The following HAO1 variants were observed in gnomAD, a reference collection of about 807,000 sequenced individuals.
The protein encoded by HAO1 is hydroxyacid oxidase 1.
HAO1 carries 34 observed loss-of-function variants against 39.7 expected under a neutral mutation model. The ratio of observed to expected loss-of-function variants is 0.86; its 90% CI spans 0.65 to 1.14. The LOEUF is 1.14. Ranked by LOEUF, HAO1 falls within the 50% of genes most tolerant of loss-of-function variation. HAO1 has a pLI of 0.00. For missense variants in HAO1, 479 were observed against 464.5 expected (o/e 1.03, Z -0.29); for synonymous variants, 172 against 173.2 (o/e 0.99, Z 0.05).
At chr20:7,893,853 C>T (rs1208994283) in intron 5 of HAO1, among the ~76,000 whole-genome samples, 2 of 152,108 alleles carry the variant, frequency 1.3e-5, no homozygotes, top group Non-Finnish European at 2.9e-5. Flanking sequence ...TGCAATTCCC[C>T]GTCTTGATAA....
At chr20:7,886,805 G>A (rs2122747096) in intron 5 of HAO1, among the ~76,000 whole-genome samples, 1 of 152,310 alleles carries the variant, frequency 6.6e-6, no homozygotes, top group African/African-American at 2.4e-5. Context: ...TAACATGTGA[G>A]CAGAGCTGGT....
At chr20:7,892,052 A>C (rs771323871) in intron 5 of HAO1, among the ~76,000 whole-genome samples, 8 of 152,100 alleles carry the variant, frequency 5.3e-5, no homozygotes, top group Non-Finnish European at 8.8e-5. Context: ...AAGAGCTGAC[A>C]ACTTCCAGTT....
intron 2 of HAO1, among the ~76,000 whole-genome samples, chr20:7,924,660 A>C (rs1434975484): frequency 1.3e-5 from 2 of 152,160 alleles, no homozygotes; most frequent in Non-Finnish European, 2.9e-5. Context: ...TAACATGTTA[A>C]TTTAGACCCA....
intron 2 of HAO1, among the ~76,000 whole-genome samples, chr20:7,918,704 AT>A (rs1409372709): frequency 1.3e-5 from 2 of 152,150 alleles, no homozygotes; most frequent in African/African-American, 4.8e-5. Context: ...AATAATTCAA[AT>A]ATTACCTTTG....
At chr20:7,934,207 A>T (rs867459996) in intron 2 of HAO1, among the ~76,000 whole-genome samples, 6 of 152,174 alleles carry the variant, frequency 3.9e-5, no homozygotes, top group South Asian at 2.1e-4. Context: ...ACCTGAACTC[A>T]TTCAATTCTC....
chr20:7,883,678 C>T lies in HAO1; in HGVS notation c.1043-15G>A, dbSNP rs1336051392. 1 of 1,560,002 alleles carries T rather than the reference C, an allele frequency of 6.4e-7. No individual in the cohort carries two copies. Among genetic ancestry groups the T allele is most frequent in the Admixed American group, 1.7e-5 (1 of 59,910 alleles). On this transcript the variant is annotated splice_polypyrimidine_tract_variant and intron_variant, in intron 7 of 7. Transcript: ENST00000378789. ...ATTCTGGCACCCTGAAAAAATAATG[C>T]ATACATTTAATATGAACTGAATGCA...
At position 7,887,156 on chromosome 20, in the gene HAO1, C is replaced by T. The variant is rs1229504452; in HGVS notation, c.814-1292G>A. Among the ~76,000 whole-genome samples, 3 of 152,176 alleles carry T rather than the reference C, an allele frequency of 2.0e-5. No individual in the cohort carries two copies. The East Asian group carries it at 5.8e-4, about 29-fold the overall frequency. On this transcript the variant is annotated intron_variant, in intron 5 of 7. Transcript: ENST00000378789. ...AGTAGCTAACTAATACAATTGGCTA[C>T]TTTGATGTGAATCTGCATTTGAGAA...
chr20:7,883,676 T>C lies in HAO1; in HGVS notation c.1043-13A>G, dbSNP rs1056827989. 6.4e-7 allele frequency: 1 copy of C among 1,567,024 alleles called. No individual in the cohort carries two copies. On this transcript the variant is annotated splice_polypyrimidine_tract_variant and intron_variant, in intron 7 of 7. Transcript: ENST00000378789. ...ACATTCTGGCACCCTGAAAAAATAA[T>C]GCATACATTTAATATGAACTGAATG...
At chr20:7,914,710 A>G (rs2050298299) in intron 2 of HAO1, among the ~76,000 whole-genome samples, 2 of 152,214 alleles carry the variant, frequency 1.3e-5, no homozygotes, top group South Asian at 2.1e-4. Flanking sequence ...AATAAATCCA[A>G]TAGTCAAAGG....
intron 2 of HAO1, among the ~76,000 whole-genome samples, chr20:7,919,021 G>A (rs889784149): frequency 6.6e-6 from 1 of 152,152 alleles, no homozygotes; most frequent in Non-Finnish European, 1.5e-5. Context: ...AGACTGTAAC[G>A]GAAGATTCCA....
chr20:7,930,448 C>T (rs1337265466), intron 2 of HAO1, among the ~76,000 whole-genome samples: 1 of 152,124 alleles, frequency 6.6e-6, no homozygotes, highest in Non-Finnish European at 1.5e-5. Context: ...TTAAATTTGC[C>T]TGTGGCTATC....
Position 7,912,722 on chromosome 20 carries a change from C to A in HAO1, c.545+1442G>T, listed in dbSNP as rs116314750. ...GGCTTTTGTTTTTGTTCTCTTTAAA[C>A]ACAGGTTGTTTAGGTAACCCTGAGT... On this transcript the variant is annotated intron_variant, in intron 3 of 7. Transcript: ENST00000378789. 5.8e-3 allele frequency among the ~76,000 whole-genome samples: 885 copies of A among 152,292 alleles called. 12 individuals carry two copies. Among genetic ancestry groups the A allele is most frequent in the African/African-American group, 0.019 (791 of 41,558 alleles).
chr20:7,895,608 A>G (rs6117980), intron 4 of HAO1, among the ~76,000 whole-genome samples: 77,756 of 149,488 alleles, frequency 0.52, 24,280 homozygotes, highest in Non-Finnish European at 0.71. Flanking sequence ...AAAAAAAAAA[A>G]CATAAAAATG....
chr20:7,920,770 T>C (rs2050327482), intron 2 of HAO1, among the ~76,000 whole-genome samples: 1 of 152,170 alleles, frequency 6.6e-6, no homozygotes, highest in Non-Finnish European at 1.5e-5. Context: ...TATCCATTCA[T>C]CTGTCAATGG....
chr20:7,904,986 A>G (rs1436698367), intron 4 of HAO1, among the ~76,000 whole-genome samples: 1 of 152,188 alleles, frequency 6.6e-6, no homozygotes, highest in Admixed American at 6.5e-5. Flanking sequence ...TATAATCCAC[A>G]AAAATTTTGA....
At chr20:7,891,991 C>T (rs546223344) in intron 5 of HAO1, among the ~76,000 whole-genome samples, 71 of 152,348 alleles carry the variant, frequency 4.7e-4, no homozygotes, top group Non-Finnish European at 8.4e-4. Flanking sequence ...CTGCAACCAA[C>T]ATTTAATATC....
At chr20:7,894,051 A>C (rs916055409) in intron 5 of HAO1, among the ~76,000 whole-genome samples, 1 of 152,198 alleles carries the variant, frequency 6.6e-6, no homozygotes, top group African/African-American at 2.4e-5. Context: ...TATCTGCAAC[A>C]TCATTGCTCC....
rs2050190315 is a variant in HAO1 at position 7,895,077 on chromosome 20, C to T, written c.813+56G>A. The T allele has an allele frequency of 1.2e-5, 13 of 1,055,238 alleles. 1 individual carries two copies. The highest frequency in any genetic ancestry group is 1.9e-5 in the Non-Finnish European group (13 of 670,110). The allele number at this position is 1,055,238 out of a possible 1,614,324, so 65.4% of individuals were successfully genotyped here. A position where few individuals can be genotyped will look rare whatever the true frequency, so the allele number is the denominator to read the frequency against. On this transcript the variant is annotated intron_variant, in intron 5 of 7. Transcript: ENST00000378789. Reference sequence around the variant, plus strand: ...GAGGAGGAAGACATAGAGATAGTAACACAGTGATGGAAATGGGAACTCCAA... The same window carrying T: ...GAGGAGGAAGACATAGAGATAGTAATACAGTGATGGAAATGGGAACTCCAA...
chr20:7,885,988 G>T (rs1281614572), intron 5 of HAO1, 124 bp from the exon 6 acceptor site: 10 of 684,400 alleles, frequency 1.5e-5, no homozygotes, highest in Non-Finnish European at 2.2e-5. Flanking sequence ...TAGGTTTGGG[G>T]TAAATGGTAA....
Sources: allele counts gnomAD v4.1 joint callset (sites outside exome capture counted in the v4.1 genomes callset), GRCh38; gene constraint gnomAD v4.1.1; transcripts MANE v1.5; gene names NCBI Gene and HGNC (gene_info 2026-07-23, HGNC 2026-07-21).